The following ACSS3 variants were observed in gnomAD, a reference collection of about 807,000 sequenced individuals.
ACSS3 encodes the protein acyl-CoA synthetase short chain family member 3.
ACSS3 carries 64 observed loss-of-function variants against 84.2 expected under a neutral mutation model. The observed-to-expected ratio is 0.76, with a 90% CI of 0.62 to 0.94. The LOEUF is 0.94. ACSS3 is among the 40% of genes least tolerant of loss of function. The probability of loss-of-function intolerance (pLI) is 0.00; values close to 1 mark genes in which losing one functional copy is unlikely to be tolerated. For missense variants in ACSS3, 815 were observed against 867.6 expected, an observed-to-expected ratio of 0.94 and a Z score of 0.76; for synonymous variants, 317 against 310.1, an observed-to-expected ratio of 1.02 and a Z score of -0.23.
Position 81,143,100 on chromosome 12 carries a change from T to C in ACSS3, c.781-7T>C, listed in dbSNP as rs1886171189. 6.2e-7 allele frequency: 1 copy of C among 1,608,016 alleles called. No individual in the cohort carries two copies. Among genetic ancestry groups the C allele is most frequent in the Non-Finnish European group, 8.5e-7 (1 of 1,176,374 alleles). On this transcript the variant is annotated splice_region_variant and splice_polypyrimidine_tract_variant and intron_variant, in intron 4 of 15. Coordinates refer to ENST00000548058, the MANE Select transcript of ACSS3 (RefSeq NM_024560.4). Reference sequence around the variant, plus strand: ...ACAGTACATATTCTTATATTTTTGCTGTGTAGGAGGCGGTTCCTTTGGCTC... The same window carrying C: ...ACAGTACATATTCTTATATTTTTGCCGTGTAGGAGGCGGTTCCTTTGGCTC...
At chr12:81,180,070 G>A (rs1186091400) in intron 8 of ACSS3, among the ~76,000 whole-genome samples, 1 of 152,180 alleles carries the variant, frequency 6.6e-6, no homozygotes, top group African/African-American at 2.4e-5. Flanking sequence ...GAGTATCATG[G>A]CCTTCATGGC....
At chr12:81,109,862 A>C (rs1883425534) in intron 2 of ACSS3, among the ~76,000 whole-genome samples, 158 bp downstream of exon 2, 1 of 152,214 alleles carries the variant, frequency 6.6e-6, no homozygotes, top group East Asian at 1.9e-4. Context: ...AGATGTGTTA[A>C]CTCATGTAGA....
chr12:81,163,979 T>C (rs1887281691), intron 7 of ACSS3, among the ~76,000 whole-genome samples: 1 of 152,182 alleles, frequency 6.6e-6, no homozygotes, highest in African/African-American at 2.4e-5. Context: ...AAACTACTTC[T>C]TTAGAAATTT....
rs1456236522 is a variant in ACSS3 at position 81,256,600 on chromosome 12, GTAACATAA to G, written c.*1681_*1688del. 3 of 151,978 alleles carry G rather than the reference GTAACATAA, an allele frequency of 2.0e-5. No homozygotes were observed. Among genetic ancestry groups the G allele is most frequent in the Admixed American group, 2.0e-4 (3 of 15,244 alleles). 9.4% of individuals were successfully genotyped at this position (151,978 alleles called of 1,614,324 possible). On this transcript the variant is annotated 3_prime_UTR_variant, in exon 16 of 16. Coordinates refer to ENST00000548058, the MANE Select transcript of ACSS3 (RefSeq NM_024560.4). ...ACATTACTATCAAGAGCAGATTGTT[GTAACATAA>G]TACTCAGGATACATGAAATGTATGT...
chr12:81,118,002 C>A (rs970781238), intron 2 of ACSS3: 1 of 152,058 alleles, frequency 6.6e-6, no homozygotes, highest in African/African-American at 2.4e-5. Context: ...GTTTTCAGGT[C>A]TTTTGTGAGC....
At chr12:81,139,000 C>T in intron 3 of ACSS3, 131 bp from the exon 4 acceptor site, 1 of 960,114 alleles carries the variant, frequency 1.0e-6, no homozygotes, top group Non-Finnish European at 1.5e-6. Flanking sequence ...GTTTTCAGAC[C>T]ATTCAATAGA....
intron 8 of ACSS3, among the ~76,000 whole-genome samples, chr12:81,198,307 C>A (rs2031933281): frequency 6.6e-6 from 1 of 151,698 alleles, no homozygotes; most frequent in Non-Finnish European, 1.5e-5. Context: ...GGGAAATAGA[C>A]AAAAACAAAA....
chr12:81,192,758 A>G (rs564888243), intron 8 of ACSS3, among the ~76,000 whole-genome samples: 1 of 152,158 alleles, frequency 6.6e-6, no homozygotes, highest in African/African-American at 2.4e-5. Context: ...GTTTTTGTTC[A>G]GTTTCTCAGC....
At chr12:81,143,986 G>A (rs1214014299) in intron 5 of ACSS3, among the ~76,000 whole-genome samples, 1 of 152,112 alleles carries the variant, frequency 6.6e-6, no homozygotes, top group African/African-American at 2.4e-5. Context: ...TTTATTAGGT[G>A]GTTTAATATT....
In ACSS3 at chr12:81,259,677, A is replaced by T. The variant is rs756060385; in HGVS notation, c.*4755A>T. 1 of 1,533,374 alleles carries T rather than the reference A, an allele frequency of 6.5e-7. No homozygotes were observed. Among genetic ancestry groups the T allele is most frequent in the Non-Finnish European group, 8.7e-7 (1 of 1,144,710 alleles). 95.0% of individuals were successfully genotyped at this position (1,533,374 alleles called of 1,614,324 possible). A position where few individuals can be genotyped will look rare whatever the true frequency, so the allele number is the denominator to read the frequency against. On this transcript the variant is annotated 3_prime_UTR_variant, in exon 16 of 16. Coordinates refer to ENST00000548058, the MANE Select transcript of ACSS3 (RefSeq NM_024560.4). ...AGACGCCATCTAAAATATACAATGG[A>T]TAGCATTAGTTCACTGAAAAGTCCC...
chr12:81,228,985 A>G (rs2033365058), intron 11 of ACSS3, among the ~76,000 whole-genome samples: 1 of 151,814 alleles, frequency 6.6e-6, no homozygotes, highest in South Asian at 2.1e-4. Flanking sequence ...CCTGTATACC[A>G]GCAATCAGGT....
At chr12:81,236,781 T>C (rs566770800) in intron 13 of ACSS3, among the ~76,000 whole-genome samples, 1 of 151,582 alleles carries the variant, frequency 6.6e-6, no homozygotes, top group South Asian at 2.1e-4. Context: ...AGAACGTCTA[T>C]GATTCCATTC....
In ACSS3 at chr12:81,261,191, G is replaced by T. The variant is rs1344822931; in HGVS notation, c.*6269G>T. The T allele has an allele frequency of 6.6e-6, 1 of 152,060 alleles. No individual in the cohort carries two copies. The highest frequency in any genetic ancestry group is 1.9e-4 in the East Asian group (1 of 5,192). The allele number at this position is 152,060 out of a possible 1,614,324, so 9.4% of individuals were successfully genotyped here. A position where few individuals can be genotyped will look rare whatever the true frequency, so the allele number is the denominator to read the frequency against. On this transcript the variant is annotated 3_prime_UTR_variant, in exon 16 of 16. Coordinates refer to ENST00000548058, the MANE Select transcript of ACSS3 (RefSeq NM_024560.4). Reference sequence around the variant, plus strand: ...GATTGATAAGAAACAATGTAATAAAGGTTTGAATTTTTCACAGTTTCTACT... The same window carrying T: ...GATTGATAAGAAACAATGTAATAAATGTTTGAATTTTTCACAGTTTCTACT...
In ACSS3 at chr12:81,243,527, A is replaced by G. The variant is rs1038646709; in HGVS notation, c.1720-9780A>G. Among the ~76,000 whole-genome samples the G allele has an allele frequency of 3.9e-5, 6 of 152,152 alleles. No individual in the cohort carries two copies. The East Asian group carries it at 1.2e-3, about 29-fold the overall frequency. On this transcript the variant is annotated intron_variant, in intron 13 of 15. Transcript: ENST00000548058. ...AAAACTACTTTAAAGTTCATATGGA[A>G]CCAAAAAAGAGCCTGCATCGTCAAG...
Position 81,078,351 on chromosome 12 carries a change from G to T in ACSS3, c.231G>T (p.Trp77Cys). Residue 77 changes from tryptophan (W) to cysteine (C), a missense_variant, in exon 1 of 16, where the codon TGG becomes TGT. Coordinates refer to ENST00000548058, the MANE Select transcript of ACSS3 (RefSeq NM_024560.4). The part of the protein sequence containing the change: ...AASVTDPERF[W>C]GKAAEQISWY... ...CGGTGACCGACCCCGAGAGGTTCTG[G>T]GGCAAAGCTGCCGAGCAGATCAGCT... The T allele has an allele frequency of 6.2e-7, 1 of 1,612,656 alleles. No individual in the cohort carries two copies. Among genetic ancestry groups the T allele is most frequent in the Non-Finnish European group, 8.5e-7 (1 of 1,179,966 alleles).
chr12:81,192,065 C>G lies in ACSS3; in HGVS notation c.1251-7276C>G, dbSNP rs146999664. Among the ~76,000 whole-genome samples the G allele has an allele frequency of 3.6e-3, 545 of 152,206 alleles. 1 individual carries two copies. The highest frequency in any genetic ancestry group is 6.8e-3 in the Middle Eastern group (2 of 294). ...GAGTTTAATCATATGGTCTTGTCTT[C>G]CATTATATCACTGTTATAAGAAAAT... On this transcript the variant is annotated intron_variant, in intron 8 of 15. Coordinates refer to ENST00000548058, the MANE Select transcript of ACSS3 (RefSeq NM_024560.4).
At chr12:81,217,344 A>G (rs1306236792) in intron 10 of ACSS3, among the ~76,000 whole-genome samples, 1 of 152,142 alleles carries the variant, frequency 6.6e-6, no homozygotes, top group Non-Finnish European at 1.5e-5. Context: ...TATCATTACT[A>G]TTTTAGAGAT....
At chr12:81,108,658 G>A (rs1883296923) in intron 1 of ACSS3, among the ~76,000 whole-genome samples, 1 of 152,056 alleles carries the variant, frequency 6.6e-6, no homozygotes, top group African/African-American at 2.4e-5. Context: ...AGGGCTCTTT[G>A]AGTGAATACC....
At chr12:81,225,442 A>G (rs2033242018) in intron 11 of ACSS3, among the ~76,000 whole-genome samples, 2 of 151,926 alleles carry the variant, frequency 1.3e-5, no homozygotes, top group Admixed American at 6.6e-5. Context: ...AGACTTGTGA[A>G]TGATGAAGTA....
Sources: allele counts gnomAD v4.1 joint callset (sites outside exome capture counted in the v4.1 genomes callset), GRCh38; gene constraint gnomAD v4.1.1; transcripts MANE v1.5; gene names NCBI Gene and HGNC (gene_info 2026-07-23, HGNC 2026-07-21).